The following UMODL1 variants were observed in gnomAD, a reference collection of about 807,000 sequenced individuals.
UMODL1 encodes uromodulin-like 1.
In UMODL1, 128 loss-of-function variants were observed where a neutral mutation model predicts 136.3. The observed-to-expected ratio is 0.94, with a 90% CI of 0.81 to 1.09. The LOEUF (loss-of-function observed/expected upper bound fraction) is 1.09. UMODL1 is among the 50% of genes least tolerant of loss of function. The pLI, the probability that UMODL1 is intolerant of heterozygous loss-of-function variation, is 0.00. For missense variants in UMODL1, 1,766 were observed against 1,725.6 expected (o/e 1.02, Z -0.41); for synonymous variants, 721 against 720.0 (o/e 1.00, Z -0.02).
intron 1 of UMODL1, among the ~76,000 whole-genome samples, chr21:42,066,314 G>A (rs569628850): frequency 2.0e-5 from 3 of 152,134 alleles, no homozygotes; most frequent in Admixed American, 6.5e-5. Context: ...ACGGAGTCTC[G>A]CTCTGTCGCC....
chr21:42,110,756 G>T, intron 10 of UMODL1, 124 bp from the exon 11 acceptor site: 1 of 971,126 alleles, frequency 1.0e-6, no homozygotes. Context: ...GCCCGCCTGC[G>T]TCCCTGGCCA....
rs142636863 is a variant in UMODL1, at chr21:42,125,833, G to A, written c.3148-512G>A. Among the ~76,000 whole-genome samples the A allele has an allele frequency of 6.2e-3, 948 of 152,306 alleles. 2 individuals carry two copies. Among genetic ancestry groups the A allele is most frequent in the Non-Finnish European group, 8.6e-3 (586 of 68,012 alleles). Reference sequence around the variant, plus strand: ...GGACAGCCTGCCTGGTGCTCAGATCGCCACCCACACAGCGGCAGCTCCAGT... The same window carrying A: ...GGACAGCCTGCCTGGTGCTCAGATCACCACCCACACAGCGGCAGCTCCAGT... On this transcript the variant is annotated intron_variant, in intron 17 of 22. Coordinates refer to ENST00000408910, the MANE Select transcript of UMODL1 (RefSeq NM_001004416.3).
At chr21:42,095,170 C>A (rs534511698) in intron 6 of UMODL1, among the ~76,000 whole-genome samples, 123 of 140,144 alleles carry the variant, frequency 8.8e-4, no homozygotes, top group African/African-American at 2.9e-3. Flanking sequence ...TCTCGGCTCA[C>A]TGCAGCCTCC....
rs200664665 is a variant in UMODL1 at position 42,115,878 on chromosome 21, C to A, written c.2368C>A (p.Arg790=). ...GCTTATCCTCCATCCTGCAGCAGCC[C>A]GGAAGCTCATTGGAAAGGTCAGAAT... is the stretch of plus-strand genomic sequence containing the variant. ...RAHLKVRTAA[R]KLIGKVRIKN... The change falls in exon 14 of 23, where the codon CGG becomes AGG. Residue 790 remains arginine (R), a synonymous_variant. Transcript: ENST00000408910. 2 of 1,613,560 alleles carry A rather than the reference C, an allele frequency of 1.2e-6. No homozygotes were observed.
intron 6 of UMODL1, chr21:42,093,875 T>G (rs1487857039): frequency 2.2e-6 from 1 of 456,602 alleles, no homozygotes; most frequent in Admixed American, 2.4e-5. Flanking sequence ...CCGCAGCACG[T>G]GGCCTTGAGA....
Position 42,122,519 on chromosome 21 carries a change from T to C in UMODL1, c.2828-312T>C, listed in dbSNP as rs2066985709. ...TGGTGAGCCTGGATCCCTGAGCTGG[T>C]GGAAATGTGCAACATGTGCATGTGT... is the stretch of plus-strand genomic sequence containing the variant. On this transcript the variant is annotated intron_variant, in intron 16 of 22. Coordinates refer to ENST00000408910, the MANE Select transcript of UMODL1 (RefSeq NM_001004416.3). The surrounding 1 kb of genome is among the most constrained non-coding windows in gnomAD (Gnocchi z 4.3). Among the ~76,000 whole-genome samples the C allele has an allele frequency of 6.6e-6, 1 of 152,036 alleles. No homozygotes were observed. Among genetic ancestry groups the C allele is most frequent in the Admixed American group, 6.5e-5 (1 of 15,272 alleles).
intron 2 of UMODL1, among the ~76,000 whole-genome samples, chr21:42,076,513 C>A (rs77322906): frequency 0.014 from 2,177 of 152,264 alleles, 48 homozygotes; most frequent in African/African-American, 0.05. Context: ...CCAGGGACCC[C>A]ACTTTGAGAA....
At chr21:42,102,105 C>A in intron 7 of UMODL1, 61 bp from the exon 8 acceptor site, 1 of 1,314,270 alleles carries the variant, frequency 7.6e-7, no homozygotes, top group Non-Finnish European at 1.1e-6. Context: ...TCATGGAAAA[C>A]ATTAACAGAC....
chr21:42,069,136 C>A (rs927935923), upstream of UMODL1, among the ~76,000 whole-genome samples: 4 of 151,700 alleles, frequency 2.6e-5, no homozygotes, highest in Admixed American at 6.6e-5. Flanking sequence ...ATGGACAGGG[C>A]AAATGTGAAA....
At chr21:42,075,628 G>A (rs1272811820) in intron 1 of UMODL1, among the ~76,000 whole-genome samples, 1 of 152,222 alleles carries the variant, frequency 6.6e-6, no homozygotes, top group Non-Finnish European at 1.5e-5. Flanking sequence ...CTCACATGGA[G>A]CAGAACAAAG....
chr21:42,135,969 G>T (rs1255618981), intron 21 of UMODL1, among the ~76,000 whole-genome samples: 3 of 152,198 alleles, frequency 2.0e-5, no homozygotes, highest in African/African-American at 4.8e-5. Context: ...GCTCCTGGTT[G>T]CACAGAAAGG....
chr21:42,073,889 T>C (rs751701351), intron 1 of UMODL1, among the ~76,000 whole-genome samples: 2 of 152,170 alleles, frequency 1.3e-5, no homozygotes, highest in Non-Finnish European at 2.9e-5. Flanking sequence ...TACAGTCTAG[T>C]AAAGCTTAGA....
intron 8 of UMODL1, chr21:42,103,667 C>A: frequency 1.4e-6 from 1 of 708,202 alleles, no homozygotes; most frequent in Non-Finnish European, 2.6e-6. Flanking sequence ...CCAGGCCAGG[C>A]CCGGCCGTCC....
At chr21:42,073,898 G>C (rs2066258919) in intron 1 of UMODL1, among the ~76,000 whole-genome samples, 1 of 152,140 alleles carries the variant, frequency 6.6e-6, no homozygotes, top group South Asian at 2.1e-4. Context: ...GTAAAGCTTA[G>C]AGCTCAGGGG....
chr21:42,119,995 T>C (rs1048339192), intron 15 of UMODL1, among the ~76,000 whole-genome samples: 2 of 152,180 alleles, frequency 1.3e-5, no homozygotes, highest in African/African-American at 2.4e-5. Context: ...CCCAAATATA[T>C]AGAGAGATCA....
At chr21:42,128,877 C>T (rs1306078784) in intron 20 of UMODL1, among the ~76,000 whole-genome samples, 1 of 152,188 alleles carries the variant, frequency 6.6e-6, no homozygotes, top group Non-Finnish European at 1.5e-5. Flanking sequence ...GCTGTAGGAA[C>T]GTACCACAAA....
At chr21:42,064,874 C>G (rs1447801988) in intron 1 of UMODL1, among the ~76,000 whole-genome samples, 1 of 152,160 alleles carries the variant, frequency 6.6e-6, no homozygotes. Context: ...TCTTTCTTTT[C>G]TTTTCTTTTT....
In UMODL1 at chr21:42,127,797, T is replaced by A; in HGVS notation, c.3656T>A (p.Val1219Asp). The A allele has an allele frequency of 6.2e-7, 1 of 1,613,956 alleles. No individual in the cohort carries two copies. The highest frequency in any genetic ancestry group is 8.5e-7 in the Non-Finnish European group (1 of 1,179,992). ...GTCTACCTGCACTGCAAACTCCGCG[T>A]CTGCATGGAATCCCCCGGAGCCACG... ...SIVYLHCKLR[V>D]CMESPGATCK... Residue 1219 changes from valine to aspartate, a missense_variant, in exon 20 of 23, where the codon GTC becomes GAC. Transcript: ENST00000408910.
intron 19 of UMODL1, 97 bp downstream of exon 19, chr21:42,127,339 T>G: frequency 8.8e-7 from 1 of 1,133,404 alleles, no homozygotes. Flanking sequence ...CATCCAGCAA[T>G]GCCCAGGGCT....
Sources: gnomAD v4.1 joint callset for allele counts (sites outside exome capture counted in the v4.1 genomes callset) on GRCh38, gnomAD v4.1.1 for gene constraint, Gnocchi (gnomAD v3.1) non-coding constraint, MANE v1.5 for transcripts, NCBI Gene and HGNC (gene_info 2026-07-23, HGNC 2026-07-21) for gene names.